Variants in ALB observed in about 807,000 individuals in gnomAD.
The protein encoded by ALB is albumin.
Under a neutral mutation model 74.5 loss-of-function variants are expected in ALB, and 37 were observed. That is an observed-to-expected ratio of 0.50 (90% CI 0.38 to 0.65). ALB has a LOEUF of 0.65. Among genes scored for constraint, ALB ranks in the 30% least tolerant of loss-of-function variants. The pLI is 0.00. For missense variants in ALB, 685 were observed against 718.7 expected (o/e 0.95, Z 0.54); for synonymous variants, 249 against 251.6 (o/e 0.99, Z 0.10).
chr4:73,418,358 G>T, intron 12 of ALB, 47 bp downstream of exon 12: 1 of 1,545,072 alleles, frequency 6.5e-7, no homozygotes, highest in South Asian at 1.1e-5. Flanking sequence ...TTGATAGCAA[G>T]AACTGTCAAT....
At chr4:73,405,278 G>T (rs1341847775) in intron 2 of ALB, 105 bp downstream of exon 2, 1 of 972,794 alleles carries the variant, frequency 1.0e-6, no homozygotes, top group South Asian at 1.4e-5. Flanking sequence ...TTCTAAAACA[G>T]TGCTGCCTCG....
intron 13 of ALB, among the ~76,000 whole-genome samples, 198 bp from the exon 14 acceptor site, chr4:73,420,056 A>G (rs770224414): frequency 6.6e-6 from 1 of 152,204 alleles, no homozygotes; most frequent in Non-Finnish European, 1.5e-5. Flanking sequence ...TTATGGCCTG[A>G]CAGTAACTTT....
intron 14 of ALB, among the ~76,000 whole-genome samples, chr4:73,420,588 C>T (rs1334662880): frequency 3.3e-5 from 5 of 151,950 alleles, no homozygotes; most frequent in African/African-American, 1.2e-4. Flanking sequence ...AAATTGAAAC[C>T]AAAGTTTCAG....
chr4:73,413,680 A>T (rs763252048), intron 8 of ALB, 46 bp downstream of exon 8: 1 of 1,573,206 alleles, frequency 6.4e-7, no homozygotes, highest in South Asian at 1.1e-5. Flanking sequence ...GCATGACCTC[A>T]CAACTTAGGA....
intron 3 of ALB, 95 bp from the exon 4 acceptor site, chr4:73,408,499 A>G: frequency 9.0e-7 from 1 of 1,110,634 alleles, no homozygotes; most frequent in Non-Finnish European, 1.3e-6. Flanking sequence ...TTTCCTGACC[A>G]AGCTTAACCA....
chr4:73,408,480 T>G (rs1357423449), intron 3 of ALB, 114 bp from the exon 4 acceptor site: 7 of 944,970 alleles, frequency 7.4e-6, no homozygotes, highest in Non-Finnish European at 1.1e-5. Flanking sequence ...GAAGCGGATT[T>G]TTAAATGATT....
chr4:73,411,010 T>C (rs1718861275), intron 6 of ALB, among the ~76,000 whole-genome samples: 1 of 152,198 alleles, frequency 6.6e-6, no homozygotes, highest in Admixed American at 6.6e-5. Flanking sequence ...CCTGAGCCTC[T>C]GTTTTCATAT....
chr4:73,411,265 T>C (rs1718868766), intron 6 of ALB, among the ~76,000 whole-genome samples: 1 of 151,970 alleles, frequency 6.6e-6, no homozygotes, highest in African/African-American at 2.4e-5. Flanking sequence ...CAACATAAAA[T>C]TATACACAGA....
intron 3 of ALB, among the ~76,000 whole-genome samples, chr4:73,407,604 T>A (rs529564219): frequency 3.9e-5 from 6 of 152,218 alleles, no homozygotes; most frequent in African/African-American, 1.4e-4. Flanking sequence ...AGAGATGATA[T>A]CATGGTTTTT....
intron 12 of ALB, among the ~76,000 whole-genome samples, chr4:73,418,735 T>A (rs912100331): frequency 6.6e-6 from 1 of 152,204 alleles, no homozygotes; most frequent in African/African-American, 2.4e-5. Flanking sequence ...CTTTTGAGAA[T>A]GAGACTTGGA....
intron 4 of ALB, chr4:73,409,080 T>A: frequency 1.7e-6 from 1 of 582,554 alleles, no homozygotes; most frequent in East Asian, 2.9e-5. Flanking sequence ...AAGATATGTA[T>A]ATATGGTTGT....
At chr4:73,412,207 C>A (rs1316604139) in intron 7 of ALB, 82 bp downstream of exon 7, 3 of 1,530,798 alleles carry the variant, frequency 2.0e-6, no homozygotes, top group Non-Finnish European at 2.7e-6. Flanking sequence ...TTGGTGATAG[C>A]TGACAGTGGG....
intron 7 of ALB, 170 bp from the exon 8 acceptor site, chr4:73,413,250 T>C: frequency 1.5e-6 from 1 of 657,434 alleles, no homozygotes; most frequent in Non-Finnish European, 2.7e-6. Flanking sequence ...AATGTTTTTG[T>C]AGTCCTATCT....
intron 8 of ALB, 37 bp downstream of exon 8, chr4:73,413,671 C>A (rs1422708029): frequency 1.3e-6 from 2 of 1,591,634 alleles, no homozygotes; most frequent in Non-Finnish European, 8.6e-7. Flanking sequence ...ATAGCTTTGG[C>A]ATGACCTCAC....
Position 73,415,316 on chromosome 4 carries a change from G to A in ALB, c.1191+149G>A. On this transcript the variant is annotated intron_variant, in intron 9 of 14. Coordinates refer to ENST00000295897, the MANE Select transcript of ALB (RefSeq NM_000477.7). Reference sequence around the variant, plus strand: ...CAATTCTGGAATCTTAAACATGAAAGAAAAAGTAGCCTTAGAATGATTAAC... The same window carrying A: ...CAATTCTGGAATCTTAAACATGAAAAAAAAAGTAGCCTTAGAATGATTAAC... 6.3e-6 allele frequency: 6 copies of A among 958,878 alleles called. No homozygotes were observed. In the Admixed American group the frequency reaches 8.9e-5, roughly 14 times the overall value. The allele number at this position is 958,878 out of a possible 1,614,324, so 59.4% of individuals were successfully genotyped here. A position where few individuals can be genotyped will look rare whatever the true frequency, so the allele number is the denominator to read the frequency against.
rs771375022 is a variant in ALB, at chr4:73,413,526, T to C, written c.950T>C (p.Val317Ala). ...LLEKSHCIAE[V>A]ENDEMPADLP... Reference sequence around the variant, plus strand: ...GAAAAATCCCACTGCATTGCCGAAGTGGAAAATGATGAGATGCCTGCTGAC... The same window carrying C: ...GAAAAATCCCACTGCATTGCCGAAGCGGAAAATGATGAGATGCCTGCTGAC... Residue 317 changes from valine to alanine, a missense_variant, in exon 8 of 15, where the codon GTG becomes GCG. By Grantham distance (64) the Val-to-Ala change is moderately conservative. Transcript: ENST00000295897. 2.5e-6 allele frequency: 4 copies of C among 1,614,048 alleles called. No individual in the cohort carries two copies. The Admixed American group carries it at 5.0e-5, about 20-fold the overall frequency.
intron 9 of ALB, 85 bp downstream of exon 9, chr4:73,415,252 G>T: frequency 6.8e-7 from 1 of 1,474,302 alleles, no homozygotes; most frequent in Admixed American, 1.7e-5. Flanking sequence ...AATGTAAAAT[G>T]ATATACAGTG....
chr4:73,413,703 C>G, intron 8 of ALB, 69 bp downstream of exon 8: 1 of 1,473,322 alleles, frequency 6.8e-7, no homozygotes. Context: ...ATAGCCTAGG[C>G]TTTTCTGTGG....
At chr4:73,416,400 T>G (rs1352597847) in intron 10 of ALB, 47 bp downstream of exon 10, 1 of 1,422,924 alleles carries the variant, frequency 7.0e-7, no homozygotes, top group South Asian at 1.2e-5. Flanking sequence ...TTGTAATTAT[T>G]TAAGACTTAA....
Sources: gnomAD v4.1 joint callset for allele counts (sites outside exome capture counted in the v4.1 genomes callset) on GRCh38, gnomAD v4.1.1 for gene constraint, MANE v1.5 for transcripts, NCBI Gene and HGNC (gene_info 2026-07-23, HGNC 2026-07-21) for gene names.